CCL24: variants seen among roughly 807,000 people sequenced by gnomAD.
CCL24 encodes the protein C-C motif chemokine 24.
Under a neutral mutation model 8.6 loss-of-function variants are expected in CCL24, and 6 were observed. The observed-to-expected ratio is 0.70, with a 90% CI of 0.38 to 1.38. CCL24 has a LOEUF of 1.38. CCL24 is among the 40% of genes most tolerant of loss of function. The pLI, the probability that CCL24 is intolerant of heterozygous loss-of-function variation, is 0.02. For synonymous variants in CCL24, 59 were observed against 52.7 expected (o/e 1.12, Z -0.52); for missense variants, 126 against 147.1 (o/e 0.86, Z 0.74).
At chr7:75,820,841 A>G (rs532555690) in intron 1 of CCL24, among the ~76,000 whole-genome samples, 1 of 141,372 alleles carries the variant, frequency 7.1e-6, no homozygotes, top group East Asian at 2.6e-4. Context: ...CCATCCATCC[A>G]TCCATCCCTC....
intron 1 of CCL24, among the ~76,000 whole-genome samples, chr7:75,820,383 G>C (rs1450814702): frequency 1.3e-5 from 2 of 152,030 alleles, no homozygotes; most frequent in Non-Finnish European, 2.9e-5. Flanking sequence ...GTTCCACCAT[G>C]TTGGCCAGAC....
At chr7:75,816,243 G>T (rs769217908), upstream of CCL24, among the ~76,000 whole-genome samples, 8 of 152,184 alleles carry the variant, frequency 5.3e-5, no homozygotes, top group Non-Finnish European at 4.4e-5. Context: ...TCCTGTGTGG[G>T]TTTTGCCCAC....
chr7:75,814,518 A>G (rs1214053887), upstream of CCL24, among the ~76,000 whole-genome samples: 5 of 152,114 alleles, frequency 3.3e-5, no homozygotes, highest in African/African-American at 1.2e-4. Context: ...GTGAGCTGTG[A>G]TCACACCACT....
At chr7:75,820,018 A>ACGTCTTCTTCTTCTT (rs1230617445) in intron 1 of CCL24, among the ~76,000 whole-genome samples, 2,928 of 104,586 alleles carry the variant, frequency 0.028, 237 homozygotes, top group Non-Finnish European at 0.033. Flanking sequence ...TTAGTAAACT[A>ACGTCTTCTTCTTCTT]CTTCTTCTTC....
At chr7:75,813,850 GA>G, upstream of CCL24, 2 of 627,558 alleles carry the variant, frequency 3.2e-6, no homozygotes, top group South Asian at 1.7e-5. Context: ...CAACTAGAAG[GA>G]AACACGCCCC....
chr7:75,813,517 G>A (rs555372200), intron 1 of CCL24, 94 bp from the exon 2 acceptor site: 18 of 1,248,456 alleles, frequency 1.4e-5, no homozygotes, highest in East Asian at 2.3e-5. Context: ...ACCAAACACC[G>A]CCAGTCCATT....
intron 1 of CCL24, among the ~76,000 whole-genome samples, chr7:75,822,056 C>G (rs1395277343): frequency 6.6e-6 from 1 of 151,878 alleles, no homozygotes; most frequent in African/African-American, 2.4e-5. Flanking sequence ...GAGCCAAGAT[C>G]GCACCATTGC....
intron 1 of CCL24, among the ~76,000 whole-genome samples, chr7:75,821,211 A>C (rs1804043318): frequency 1.3e-5 from 2 of 152,128 alleles, no homozygotes; most frequent in Admixed American, 6.6e-5. Flanking sequence ...TGGGCTTGAC[A>C]GGGAGGAAAC....
At chr7:75,819,195 G>C (rs1488145119) in intron 1 of CCL24, among the ~76,000 whole-genome samples, 2 of 137,196 alleles carry the variant, frequency 1.5e-5, no homozygotes, top group African/African-American at 5.5e-5. Context: ...TTGAACCTGG[G>C]AGGCAGAGGT....
upstream of CCL24, among the ~76,000 whole-genome samples, chr7:75,818,189 CT>C (rs1250626458): frequency 6.6e-6 from 1 of 152,078 alleles, no homozygotes; most frequent in East Asian, 1.9e-4. Flanking sequence ...ATTACCAACC[CT>C]GTTTTACGAG....
chr7:75,811,702 T>C lies in CCL24; in HGVS notation c.*94A>G. ...GAGTGTTGCTAAGAAACAGGAAAAT[T>C]AGCTCTTCCCCCCATCACTGTGGCT... On this transcript the variant is annotated 3_prime_UTR_variant, in exon 3 of 3. Transcript: ENST00000222902. The C allele has an allele frequency of 1.8e-6, 2 of 1,126,122 alleles. No homozygotes were observed. The highest frequency in any genetic ancestry group is 5.1e-5 in the East Asian group (2 of 39,384). 69.8% of individuals were successfully genotyped at this position (1,126,122 alleles called of 1,614,324 possible).
At chr7:75,818,826 G>A (rs1215456755) in intron 1 of CCL24, among the ~76,000 whole-genome samples, 1 of 151,944 alleles carries the variant, frequency 6.6e-6, no homozygotes, top group South Asian at 2.1e-4. Context: ...GTTGGCCAGA[G>A]CGGCCTCTCC....
upstream of CCL24, among the ~76,000 whole-genome samples, chr7:75,814,071 C>A (rs1803835332): frequency 6.6e-6 from 1 of 152,184 alleles, no homozygotes; most frequent in South Asian, 2.1e-4. Flanking sequence ...GTTGGCCACT[C>A]CCTGTGGGAT....
Position 75,813,646 on chromosome 7 carries a change from T to TA in CCL24, c.69dup (p.Thr24TyrfsTer21). The TA allele has an allele frequency of 6.2e-7, 1 of 1,612,832 alleles. No homozygotes were observed. Among genetic ancestry groups the TA allele is most frequent in the Middle Eastern group, 1.7e-4 (1 of 6,058 alleles). ...TGCATCCTGTCGGAGGTCTTACCCG[T>TA]AGGGATGATGTGGTGGGCACAGACA... On this transcript the variant is annotated frameshift_variant, in exon 1 of 3. Coordinates refer to ENST00000222902, the MANE Select transcript of CCL24 (RefSeq NM_002991.3). LOFTEE classifies it high-confidence loss of function.
In CCL24 at chr7:75,820,133, C is replaced by CTTCTT. The variant is rs1563354037; in HGVS notation, c.-60+3188_-60+3189insAAGAA. Among the ~76,000 whole-genome samples, 230 of 78,582 alleles carry CTTCTT rather than the reference C, an allele frequency of 2.9e-3. 21 individuals are homozygous for CTTCTT. Among genetic ancestry groups the CTTCTT allele is most frequent in the East Asian group, 7.2e-3 (15 of 2,096 alleles). 51.6% of individuals were successfully genotyped at this position (78,582 alleles called of 152,430 possible). A position where few individuals can be genotyped will look rare whatever the true frequency, so the allele number is the denominator to read the frequency against. On this transcript the variant is annotated intron_variant, in intron 1 of 3. Coordinates refer to the CCL24 transcript ENST00000416943. ...TTCTTCTTCTTCTTCTTCTTCTTCT[C>CTTCTT]CTCCTCCTCCTCCTCCTCCTTCTCC...
intron 1 of CCL24, 83 bp from the exon 2 acceptor site, chr7:75,813,506 C>A (rs890607800): frequency 7.9e-7 from 1 of 1,261,028 alleles, no homozygotes; most frequent in Non-Finnish European, 1.2e-6. Flanking sequence ...TTGAACCCTG[C>A]ACCAAACACC....
chr7:75,820,098 T>TTCTTCC (rs1563353951), intron 1 of CCL24, among the ~76,000 whole-genome samples: 11 of 118,530 alleles, frequency 9.3e-5, no homozygotes, highest in African/African-American at 3.2e-4. Context: ...CCTCTTCTTC[T>TTCTTCC]TCTTCTTCCT....
chr7:75,811,614 C>T lies in CCL24; in HGVS notation c.*182G>A. On this transcript the variant is annotated 3_prime_UTR_variant, in exon 3 of 3. Transcript: ENST00000222902. ...GCCTTGGATGCTTGGAGCCATTGCT[C>T]AGCCCCCGGGAACCACATCACCTGC... is the stretch of plus-strand genomic sequence containing the variant. 1 of 540,450 alleles carries T rather than the reference C, an allele frequency of 1.9e-6. No individual in the cohort carries two copies. Among genetic ancestry groups the T allele is most frequent in the Non-Finnish European group, 3.2e-6 (1 of 313,324 alleles). 33.5% of individuals were successfully genotyped at this position (540,450 alleles called of 1,614,324 possible).
In CCL24 at chr7:75,813,759, T is replaced by G; in HGVS notation, c.-44A>C. 6.5e-7 allele frequency: 1 copy of G among 1,532,976 alleles called. No individual in the cohort carries two copies. The highest frequency in any genetic ancestry group is 2.2e-5 in the East Asian group (1 of 44,488). The allele number at this position is 1,532,976 out of a possible 1,614,324, so 95.0% of individuals were successfully genotyped here. A position where few individuals can be genotyped will look rare whatever the true frequency, so the allele number is the denominator to read the frequency against. On this transcript the variant is annotated 5_prime_UTR_variant, in exon 1 of 3. Transcript: ENST00000222902. ...ACCAGCTCGGGGCTCAAAGCTGACG[T>G]GCAGGAGGAAAGGACCTAGGGATAA...
Sources: gnomAD v4.1 joint callset for allele counts (sites outside exome capture counted in the v4.1 genomes callset) on GRCh38, gnomAD v4.1.1 for gene constraint, MANE v1.5 for transcripts, NCBI Gene and HGNC (gene_info 2026-07-23, HGNC 2026-07-21) for gene names.